The following C16orf78 variants were observed in gnomAD, a reference collection of about 807,000 sequenced individuals.
C16orf78 encodes the protein uncharacterized protein C16orf78.
A neutral mutation model predicts 27.3 loss-of-function variants in C16orf78; 19 were observed. The observed-to-expected ratio is 0.70, with a 90% CI of 0.49 to 1.02. The LOEUF is 1.02. Among genes scored for constraint, C16orf78 ranks in the 50% least tolerant of loss-of-function variants. C16orf78 has a pLI of 0.00. For synonymous variants in C16orf78, 130 were observed against 116.1 expected (o/e 1.12, Z -0.77); for missense variants, 339 against 337.0 (o/e 1.01, Z -0.05).
At chr16:49,377,268 T>C (rs1965231022) in intron 1 of C16orf78, among the ~76,000 whole-genome samples, 2 of 152,060 alleles carry the variant, frequency 1.3e-5, no homozygotes, top group African/African-American at 4.8e-5. Context: ...GGGGTGGGCC[T>C]GGGGTGCTCC....
At chr16:49,385,181 C>A (rs1965333037) in intron 3 of C16orf78, among the ~76,000 whole-genome samples, 2 of 151,880 alleles carry the variant, frequency 1.3e-5, no homozygotes, top group African/African-American at 4.8e-5. Flanking sequence ...ACTTTCAACT[C>A]TAGTATAAAA....
chr16:49,390,255 T>C (rs923304756), intron 3 of C16orf78, among the ~76,000 whole-genome samples: 2 of 152,220 alleles, frequency 1.3e-5, no homozygotes. Context: ...TTTGTTGAAA[T>C]TCTTGGTTTA....
At chr16:49,388,124 A>C (rs1050158986) in intron 3 of C16orf78, among the ~76,000 whole-genome samples, 7 of 152,260 alleles carry the variant, frequency 4.6e-5, no homozygotes, top group African/African-American at 1.7e-4. Context: ...GTCTCTATTA[A>C]GAAAAAAAAA....
In C16orf78 at chr16:49,379,757, G is replaced by A. The variant is rs1162680511; in HGVS notation, c.394+1164G>A. On this transcript the variant is annotated intron_variant, in intron 3 of 4. Transcript: ENST00000299191. ...AGGGAAAATGGATGAAGGATATACAGGAATCCTCCTTATTTTCTTTGCAAC... is the reference window on the plus strand; with the variant it reads ...AGGGAAAATGGATGAAGGATATACAAGAATCCTCCTTATTTTCTTTGCAAC... Among the ~76,000 whole-genome samples, 4 of 152,278 alleles carry A rather than the reference G, an allele frequency of 2.6e-5. No individual in the cohort carries two copies. In the East Asian group the frequency reaches 5.8e-4, roughly 22 times the overall value.
chr16:49,395,510 T>C (rs138847461), intron 3 of C16orf78, among the ~76,000 whole-genome samples: 45 of 152,248 alleles, frequency 3.0e-4, no homozygotes, highest in Admixed American at 2.0e-3. Context: ...ATTTTAGGTG[T>C]GGCCCAGTAA....
intron 1 of C16orf78, among the ~76,000 whole-genome samples, chr16:49,376,959 T>C (rs1294465459): frequency 6.6e-6 from 1 of 151,982 alleles, no homozygotes; most frequent in African/African-American, 2.4e-5. Context: ...CCAGTCTATT[T>C]AGTTTCTGCC....
rs759212815 is a variant in C16orf78, at chr16:49,373,952, C to G, written c.13C>G (p.Gln5Glu). Reference sequence around the variant, plus strand: ...GCAAGACTCCACAATGTCAGAGCAACAAATGGACCTGAAGGATTTAATGCC... The same window carrying G: ...GCAAGACTCCACAATGTCAGAGCAAGAAATGGACCTGAAGGATTTAATGCC... MSEQ[Q>E]MDLKDLMPTK... Residue 5 changes from glutamine (Q) to glutamate (E), a missense_variant, in exon 1 of 5, where the codon CAA becomes GAA. By Grantham distance (29) the Gln-to-Glu change is conservative (BLOSUM62 2). Transcript: ENST00000299191. The G allele has an allele frequency of 1.4e-5, 23 of 1,614,042 alleles. No homozygotes were observed. Among genetic ancestry groups the G allele is most frequent in the Non-Finnish European group, 1.9e-5 (23 of 1,180,014 alleles).
In C16orf78 at chr16:49,379,135, G is replaced by A. The variant is rs377399135; in HGVS notation, c.394+542G>A. ...CTGGACAACTTATTCCATCTCTGGA[G>A]TCTGGTTTTTCATCTATAAAATGGG... On this transcript the variant is annotated intron_variant, in intron 3 of 4. Transcript: ENST00000299191. 9.2e-5 allele frequency among the ~76,000 whole-genome samples: 14 copies of A among 152,250 alleles called. 1 individual carries two copies. The South Asian group carries it at 2.7e-3, about 29-fold the overall frequency.
Position 49,394,123 on chromosome 16 carries a change from G to A in C16orf78, c.395-2300G>A, listed in dbSNP as rs571969354. 3.6e-4 allele frequency among the ~76,000 whole-genome samples: 54 copies of A among 152,018 alleles called. No individual in the cohort carries two copies. The Middle Eastern group carries it at 0.01, about 29-fold the overall frequency. ...CACTAAGACAAATGGTTTCATGCAA[G>A]GTTTTAACATTTAAAGAGCAAATAA... On this transcript the variant is annotated intron_variant, in intron 3 of 4. Coordinates refer to ENST00000299191, the MANE Select transcript of C16orf78 (RefSeq NM_144602.4).
At chr16:49,394,970 C>T (rs1965453830) in intron 3 of C16orf78, among the ~76,000 whole-genome samples, 1 of 152,052 alleles carries the variant, frequency 6.6e-6, no homozygotes, top group African/African-American at 2.4e-5. Context: ...TGGGCTCGAG[C>T]AATCCTCCCA....
intron 1 of C16orf78, among the ~76,000 whole-genome samples, chr16:49,375,293 C>G (rs1965200325): frequency 6.6e-6 from 1 of 151,802 alleles, no homozygotes; most frequent in African/African-American, 2.4e-5. Context: ...CATTCTCATA[C>G]TGCTACAAAG....
At chr16:49,380,562 G>A (rs1445877470) in intron 3 of C16orf78, among the ~76,000 whole-genome samples, 1 of 152,112 alleles carries the variant, frequency 6.6e-6, no homozygotes, top group Non-Finnish European at 1.5e-5. Flanking sequence ...CCTCTCACAC[G>A]AAGTCATTGT....
chr16:49,398,946 C>T (rs985557495), intron 4 of C16orf78, among the ~76,000 whole-genome samples, 185 bp from the exon 5 acceptor site: 3 of 152,188 alleles, frequency 2.0e-5, no homozygotes, highest in Admixed American at 2.0e-4. Context: ...ACGCAAACTC[C>T]CGCCGCCTTT....
intron 3 of C16orf78, among the ~76,000 whole-genome samples, chr16:49,393,688 T>C (rs74018763): frequency 0.038 from 5,801 of 152,154 alleles, 385 homozygotes; most frequent in African/African-American, 0.13. Context: ...ATTAGTTTAA[T>C]AAGTAGAAGA....
At chr16:49,377,504 G>A (rs969032658) in intron 1 of C16orf78, among the ~76,000 whole-genome samples, 23 of 152,154 alleles carry the variant, frequency 1.5e-4, no homozygotes, top group Non-Finnish European at 2.8e-4. Flanking sequence ...AGGTGGAGAG[G>A]AACAGGACCA....
chr16:49,383,030 T>A (rs1439556840), intron 3 of C16orf78, among the ~76,000 whole-genome samples: 1 of 152,248 alleles, frequency 6.6e-6, no homozygotes, highest in African/African-American at 2.4e-5. Flanking sequence ...CTCATTTGGT[T>A]CCCTGCAGTT....
rs116258259 is a variant in C16orf78, at chr16:49,374,288, C to T, written c.150+199C>T. On this transcript the variant is annotated intron_variant, in intron 1 of 4. Transcript: ENST00000299191. ...GATTAGGCTGTCTGTGTTGCTAATT[C>T]GCACTTATAAATGTTAGGCTCCCAT... Among the ~76,000 whole-genome samples the T allele has an allele frequency of 6.5e-3, 995 of 152,240 alleles. 13 individuals are homozygous for T. The highest frequency in any genetic ancestry group is 0.022 in the African/African-American group (929 of 41,556).
At chr16:49,384,346 CAAAAAAA>C (rs771147270) in intron 3 of C16orf78, among the ~76,000 whole-genome samples, 6 of 50,990 alleles carry the variant, frequency 1.2e-4, no homozygotes, top group Middle Eastern at 0.014. Flanking sequence ...AAAACTCCAT[CAAAAAAA>C]AAAAAAAAAA....
At chr16:49,376,777 A>G (rs1253543270) in intron 1 of C16orf78, among the ~76,000 whole-genome samples, 4 of 152,112 alleles carry the variant, frequency 2.6e-5, no homozygotes, top group African/African-American at 9.7e-5. Flanking sequence ...AGGTCCTACT[A>G]TTATCCCCAC....
Sources: gnomAD v4.1 joint callset for allele counts (sites outside exome capture counted in the v4.1 genomes callset) on GRCh38, gnomAD v4.1.1 for gene constraint, MANE v1.5 for transcripts, NCBI Gene and HGNC (gene_info 2026-07-23, HGNC 2026-07-21) for gene names.